Variants in CPSF7 observed in about 807,000 individuals in gnomAD.
CPSF7 encodes the protein cleavage and polyadenylation specific factor 7.
A neutral mutation model predicts 44.3 loss-of-function variants in CPSF7; 1 was observed. The observed-to-expected ratio is 0.02, with a 90% CI of 0.01 to 0.11. CPSF7 has a LOEUF of 0.11. CPSF7 is among the 10% of genes least tolerant of loss of function. The pLI, the probability that CPSF7 is intolerant of heterozygous loss-of-function variation, is 1.00. For synonymous variants in CPSF7, 202 were observed against 222.0 expected (o/e 0.91, Z 0.80); for missense variants, 443 against 607.2 (o/e 0.73, Z 2.84).
chr11:61,426,756 G>C (rs190905472), intron 2 of CPSF7: 4 of 152,342 alleles, frequency 2.6e-5, no homozygotes, highest in African/African-American at 4.8e-5. Flanking sequence ...GGCTGGGTAC[G>C]GCGGCTCACG....
chr11:61,416,626 A>C lies in CPSF7; in HGVS notation c.524-107T>G. ...GACACCCTACAAAGGAAGGTGACTA[A>C]AGAGGCTGAGAAGGTAAAATCATCT... On this transcript the variant is annotated intron_variant, in intron 5 of 9. Transcript: ENST00000439958. 2.5e-6 allele frequency: 3 copies of C among 1,210,236 alleles called. No individual in the cohort carries two copies. The South Asian group carries it at 4.1e-5, about 17-fold the overall frequency. 75.0% of individuals were successfully genotyped at this position (1,210,236 alleles called of 1,614,324 possible). A position where few individuals can be genotyped will look rare whatever the true frequency, so the allele number is the denominator to read the frequency against.
intron 9 of CPSF7, among the ~76,000 whole-genome samples, chr11:61,405,015 A>G (rs1327100724): frequency 1.3e-5 from 2 of 152,232 alleles, no homozygotes; most frequent in East Asian, 1.9e-4. Context: ...TTTGGCTGCA[A>G]AAGTATGGAA....
chr11:61,409,840 ACG>A, intron 9 of CPSF7, among the ~76,000 whole-genome samples: 1 of 151,684 alleles, frequency 6.6e-6, no homozygotes, highest in East Asian at 2.0e-4. Flanking sequence ...GGGCGTGGTG[ACG>A]CGCGCCTGTA....
At chr11:61,408,643 T>C (rs972962960) in intron 9 of CPSF7, among the ~76,000 whole-genome samples, 1 of 152,140 alleles carries the variant, frequency 6.6e-6, no homozygotes, top group African/African-American at 2.4e-5. Flanking sequence ...TTCCAGAAGT[T>C]TTCCTTCAGT....
intron 2 of CPSF7, among the ~76,000 whole-genome samples, chr11:61,428,674 G>T (rs778363949): frequency 3.3e-5 from 5 of 152,136 alleles, no homozygotes; most frequent in Admixed American, 2.0e-4. Flanking sequence ...TCTCATGACT[G>T]GAGTCAACCT....
chr11:61,405,058 G>C (rs1312819575), intron 9 of CPSF7, among the ~76,000 whole-genome samples: 1 of 152,202 alleles, frequency 6.6e-6, no homozygotes, highest in African/African-American at 2.4e-5. Flanking sequence ...GTTGCTAAAA[G>C]GGAATAAGGT....
intron 2 of CPSF7, among the ~76,000 whole-genome samples, chr11:61,421,809 C>A (rs1213467760): frequency 6.6e-6 from 1 of 152,092 alleles, no homozygotes; most frequent in Admixed American, 6.5e-5. Flanking sequence ...TTTTTCCCCT[C>A]AAGATTCTGT....
intron 2 of CPSF7, among the ~76,000 whole-genome samples, chr11:61,422,679 C>T (rs1224570165): frequency 6.6e-6 from 1 of 152,094 alleles, no homozygotes. Context: ...GAAAACAGGA[C>T]AAGAACATAA....
intron 1 of CPSF7, chr11:61,429,564 C>G (rs1861748258): frequency 1.6e-6 from 1 of 618,830 alleles, no homozygotes; most frequent in South Asian, 2.1e-5. Context: ...CCCTCGGGTC[C>G]TAGTGGCCCT....
intron 7 of CPSF7, among the ~76,000 whole-genome samples, chr11:61,415,030 A>G (rs1860184037): frequency 6.6e-6 from 1 of 152,190 alleles, no homozygotes. Flanking sequence ...TGTGGTCAGG[A>G]GTTCAAGACC....
intron 7 of CPSF7, among the ~76,000 whole-genome samples, chr11:61,413,906 A>C (rs1860073791): frequency 6.6e-6 from 1 of 152,212 alleles, no homozygotes. Flanking sequence ...GCACAAGAAT[A>C]TGAAGACATC....
At chr11:61,419,883 C>A in intron 5 of CPSF7, 66 bp downstream of exon 5, 1 of 1,585,388 alleles carries the variant, frequency 6.3e-7, no homozygotes, top group East Asian at 2.2e-5. Flanking sequence ...AAAACAAACC[C>A]ACAAACACCC....
chr11:61,406,204 A>T (rs1859303221), intron 9 of CPSF7: 1 of 152,194 alleles, frequency 6.6e-6, no homozygotes, highest in South Asian at 2.1e-4. Flanking sequence ...TGCAGGCAGA[A>T]ATCAGAGATT....
intron 7 of CPSF7, among the ~76,000 whole-genome samples, chr11:61,414,393 C>T (rs1441750107): frequency 6.6e-6 from 1 of 152,022 alleles, no homozygotes; most frequent in East Asian, 1.9e-4. Flanking sequence ...AGTGATTTAC[C>T]GGCCTTGGCC....
intron 9 of CPSF7, chr11:61,410,525 C>T (rs1267706190): frequency 6.4e-6 from 1 of 155,708 alleles, no homozygotes; most frequent in Non-Finnish European, 1.4e-5. Context: ...TACTATGTGA[C>T]AGGTACCATG....
chr11:61,422,317 CT>C (rs768474632), intron 2 of CPSF7, among the ~76,000 whole-genome samples: 450 of 143,930 alleles, frequency 3.1e-3, no homozygotes, highest in Middle Eastern at 7.2e-3. Flanking sequence ...ATCTAGGAGA[CT>C]TTTTTTTTTT....
intron 2 of CPSF7, among the ~76,000 whole-genome samples, chr11:61,422,114 G>A (rs1590722553): frequency 6.6e-6 from 1 of 152,150 alleles, no homozygotes; most frequent in East Asian, 1.9e-4. Context: ...GAAAAGATTG[G>A]GAGTTACTGA....
At position 61,429,648 on chromosome 11, in the gene CPSF7, C is replaced by A; in HGVS notation, c.-56+266G>T. ...CGCTGCACCTGCCTAGCCCCCAAGG[C>A]GGCTCCGGCCAGAGCCCCCAGGTGT... On this transcript the variant is annotated intron_variant, in intron 1 of 9. Transcript: ENST00000439958. 2.4e-6 allele frequency: 3 copies of A among 1,239,388 alleles called. No individual in the cohort carries two copies. In the Admixed American group the frequency reaches 6.5e-5, roughly 27 times the overall value. 76.8% of individuals were successfully genotyped at this position (1,239,388 alleles called of 1,614,324 possible). A position where few individuals can be genotyped will look rare whatever the true frequency, so the allele number is the denominator to read the frequency against.
chr11:61,425,521 C>A (rs1292697431), intron 2 of CPSF7, among the ~76,000 whole-genome samples: 1 of 152,210 alleles, frequency 6.6e-6, no homozygotes, highest in Non-Finnish European at 1.5e-5. Flanking sequence ...TCCTGCTTCC[C>A]TGTAAACAAA....
Sources: allele counts gnomAD v4.1 joint callset (sites outside exome capture counted in the v4.1 genomes callset), GRCh38; gene constraint gnomAD v4.1.1; transcripts MANE v1.5; gene names NCBI Gene and HGNC (gene_info 2026-07-23, HGNC 2026-07-21).